The following ARFGEF2 variants were observed in gnomAD, a reference collection of about 807,000 sequenced individuals.
ARFGEF2 encodes the protein brefeldin A-inhibited guanine nucleotide-exchange protein 2.
A neutral mutation model predicts 219.9 loss-of-function variants in ARFGEF2; 74 were observed. The ratio of observed to expected loss-of-function variants is 0.34; its 90% CI spans 0.28 to 0.41. ARFGEF2 has a LOEUF of 0.41. Among genes scored for constraint, ARFGEF2 ranks in the 10% least tolerant of loss-of-function variants. The pLI, the probability that ARFGEF2 is intolerant of heterozygous loss-of-function variation, is 1.00. For synonymous variants in ARFGEF2, 733 were observed against 799.2 expected (o/e 0.92, Z 1.40); for missense variants, 1,743 against 2,218.3 (o/e 0.79, Z 4.30).
chr20:49,002,270 T>C (rs1249957818), intron 25 of ARFGEF2, among the ~76,000 whole-genome samples: 1 of 152,134 alleles, frequency 6.6e-6, no homozygotes, highest in East Asian at 1.9e-4. Context: ...ATTAAAAAAA[T>C]AGAATAACCA....
At chr20:49,005,362 C>A in intron 26 of ARFGEF2, 141 bp downstream of exon 26, 2 of 1,060,374 alleles carry the variant, frequency 1.9e-6, no homozygotes, top group African/African-American at 1.6e-5. Flanking sequence ...TGATTCACAT[C>A]GATTTTCCTT....
At chr20:48,963,581 A>G (rs2091168277) in intron 6 of ARFGEF2, among the ~76,000 whole-genome samples, 1 of 152,200 alleles carries the variant, frequency 6.6e-6, no homozygotes, top group South Asian at 2.1e-4. Context: ...AGGAAGGAAG[A>G]GAGTAGTATA....
At chr20:48,985,738 G>T (rs1354430513) in intron 16 of ARFGEF2, 125 bp downstream of exon 16, 2 of 1,041,226 alleles carry the variant, frequency 1.9e-6, no homozygotes, top group Non-Finnish European at 2.9e-6. Context: ...TGTTTACCGT[G>T]TGCCAGGCAC....
At position 48,985,488 on chromosome 20, in the gene ARFGEF2, C is replaced by A; in HGVS notation, c.2151C>A (p.Phe717Leu). ...VMYAYVDQLD[F>L]CEKEFVSALR... ...ATGCCTACGTGGACCAACTTGACTT[C>A]TGTGAAAAAGAATTTGTCTCAGCCC... Residue 717 changes from phenylalanine to leucine, a missense_variant, in exon 16 of 39, where the codon TTC (phenylalanine) becomes TTA (leucine). By Grantham distance (22) the Phe-to-Leu change is conservative. This residue lies in a region of ARFGEF2 where 666 missense variants were observed against 955.4 expected (regional missense o/e 0.70). Transcript: ENST00000371917. The A allele has an allele frequency of 1.9e-6, 3 of 1,614,234 alleles. No individual in the cohort carries two copies. In the Middle Eastern group the frequency reaches 4.9e-4, roughly 266 times the overall value.
Position 49,011,988 on chromosome 20 carries a change from A to T in ARFGEF2, c.3822A>T (p.Leu1274Phe), listed in dbSNP as rs754864724. 1 of 1,614,246 alleles carries T rather than the reference A, an allele frequency of 6.2e-7. No homozygotes were observed. The highest frequency in any genetic ancestry group is 1.3e-5 in the African/African-American group (1 of 75,070). Residue 1274 changes from leucine to phenylalanine, a missense_variant, in exon 28 of 39, where the codon TTA (leucine) becomes TTT (phenylalanine). Coordinates refer to ENST00000371917, the MANE Select transcript of ARFGEF2 (RefSeq NM_006420.3). ...CCTTTCAGGATGCTGTGAAGTGCTT[A>T]TCAGAGTTCGCCTGCAACGCCGCTT... Reference protein sequence around the residue: ...IDSFQDAVKCLSEFACNAAFP... With the variant: ...IDSFQDAVKCFSEFACNAAFP...
At chr20:49,001,996 A>G (rs1365198833) in intron 25 of ARFGEF2, among the ~76,000 whole-genome samples, 3 of 152,260 alleles carry the variant, frequency 2.0e-5, no homozygotes, top group African/African-American at 7.2e-5. Flanking sequence ...CCTGAATCCC[A>G]GCAGTTTGGG....
At position 49,035,443 on chromosome 20, in the gene ARFGEF2, A is replaced by C. The variant is rs2091661191; in HGVS notation, c.*2244A>C. The C allele has an allele frequency of 6.6e-6, 1 of 152,242 alleles. No individual in the cohort carries two copies. The allele number at this position is 152,242 out of a possible 1,614,324, so 9.4% of individuals were successfully genotyped here. On this transcript the variant is annotated 3_prime_UTR_variant, in exon 39 of 39. Coordinates refer to ENST00000371917, the MANE Select transcript of ARFGEF2 (RefSeq NM_006420.3). ...CTTTTAAAAAATTGGATGTAAAACC[A>C]TTCAGGGTGATTTTTCTTGTCAGTG...
At chr20:48,975,568 G>A (rs1254913109) in intron 13 of ARFGEF2, among the ~76,000 whole-genome samples, 2 of 152,074 alleles carry the variant, frequency 1.3e-5, no homozygotes, top group Non-Finnish European at 2.9e-5. Flanking sequence ...TTGGGAGGTC[G>A]AGGGTGGTGG....
rs149673944 is a variant in ARFGEF2, at chr20:48,927,988, G to A, written c.121+5978G>A. On this transcript the variant is annotated intron_variant, in intron 1 of 38. Coordinates refer to ENST00000371917, the MANE Select transcript of ARFGEF2 (RefSeq NM_006420.3). ...TTATATGTAGGATTGGCAGAGAGTT[G>A]ATTGAGACTTTGAAAGTTTGATTTG... Among the ~76,000 whole-genome samples the A allele has an allele frequency of 4.7e-3, 711 of 152,240 alleles. 4 individuals carry two copies. The highest frequency in any genetic ancestry group is 0.016 in the African/African-American group (666 of 41,550).
At chr20:48,992,386 G>C (rs1041184094) in intron 21 of ARFGEF2, among the ~76,000 whole-genome samples, 19 of 152,096 alleles carry the variant, frequency 1.2e-4, no homozygotes, top group African/African-American at 4.3e-4. Context: ...TAGAGATGAG[G>C]CTGTGGAGAA....
chr20:48,984,856 G>A lies in ARFGEF2; in HGVS notation c.2070+16G>A. The A allele has an allele frequency of 1.2e-6, 2 of 1,612,266 alleles. No individual in the cohort carries two copies. The highest frequency in any genetic ancestry group is 1.7e-6 in the Non-Finnish European group (2 of 1,180,004). The stretch of plus-strand genomic sequence containing the variant: ...CCTGGATTCCGTAAGGCTTGGGGGT[G>A]TAGCACTTGCATGTGAGTTCTGTCA... On this transcript the variant is annotated intron_variant, in intron 15 of 38. Transcript: ENST00000371917.
At chr20:48,967,557 A>C (rs1434079079) in intron 8 of ARFGEF2, among the ~76,000 whole-genome samples, 1 of 152,214 alleles carries the variant, frequency 6.6e-6, no homozygotes, top group East Asian at 1.9e-4. Flanking sequence ...TTGAGCCCAG[A>C]AGTCTAGCCA....
intron 8 of ARFGEF2, among the ~76,000 whole-genome samples, chr20:48,968,472 G>A (rs1212802723): frequency 6.6e-6 from 1 of 150,638 alleles, no homozygotes; most frequent in Non-Finnish European, 1.5e-5. Flanking sequence ...CCGCGATCTC[G>A]GCTCACTGCA....
Position 49,032,908 on chromosome 20 carries a change from C to G in ARFGEF2, c.5182-115C>G, listed in dbSNP as rs1600566212. On this transcript the variant is annotated intron_variant, in intron 38 of 38. Transcript: ENST00000371917. ...GCGCTCGGCCCCAACTTTCTAATAG[C>G]AAGAAAAGCACCAATATTGTAATAA... 4 of 1,073,766 alleles carry G rather than the reference C, an allele frequency of 3.7e-6. No homozygotes were observed. In the East Asian group the frequency reaches 1.0e-4, roughly 27 times the overall value. 66.5% of individuals were successfully genotyped at this position (1,073,766 alleles called of 1,614,324 possible). A position where few individuals can be genotyped will look rare whatever the true frequency, so the allele number is the denominator to read the frequency against.
intron 25 of ARFGEF2, among the ~76,000 whole-genome samples, chr20:49,002,985 T>A (rs895062533): frequency 6.3e-5 from 7 of 110,356 alleles, no homozygotes; most frequent in South Asian, 3.0e-4. Context: ...TTTTTTTTTT[T>A]AGAGACGGAT....
At chr20:48,924,046 A>C (rs2090860536) in intron 1 of ARFGEF2, among the ~76,000 whole-genome samples, 1 of 152,196 alleles carries the variant, frequency 6.6e-6, no homozygotes, top group South Asian at 2.1e-4. Flanking sequence ...TCATAAGGGA[A>C]CGTATGCATA....
chr20:48,998,230 A>G lies in ARFGEF2; in HGVS notation c.3259A>G (p.Ile1087Val), dbSNP rs951654073. The G allele has an allele frequency of 5.0e-6, 8 of 1,614,030 alleles. No individual in the cohort carries two copies. The highest frequency in any genetic ancestry group is 1.7e-5 in the Admixed American group (1 of 59,992). ...TGSTRLDGNA[I>V]VDFVRWLCAV... ...GTCTACCAGACTGGATGGAAATGCA[A>G]TAGGTATGTATTTGACTTACCTGTG... Residue 1087 changes from isoleucine (I) to valine (V), a missense_variant, in exon 24 of 39, where the codon ATA (isoleucine) becomes GTA (valine). Around this residue, in one of 5 missense-constraint regions of ARFGEF2, gnomAD observed 666 missense variants for 955.4 expected, o/e 0.70. Coordinates refer to ENST00000371917, the MANE Select transcript of ARFGEF2 (RefSeq NM_006420.3).
intron 26 of ARFGEF2, among the ~76,000 whole-genome samples, chr20:49,009,287 T>A (rs985251542): frequency 6.6e-6 from 1 of 152,196 alleles, no homozygotes; most frequent in African/African-American, 2.4e-5. Flanking sequence ...CTTCTCTAAA[T>A]GGCCTTTCCT....
At chr20:48,998,549 A>AG (rs1017672234) in intron 25 of ARFGEF2, 44 bp downstream of exon 25, 2 of 1,588,260 alleles carry the variant, frequency 1.3e-6, no homozygotes, top group African/African-American at 2.7e-5. Context: ...AAAAAAAAAA[A>AG]AAGTAGACAA....
Sources: gnomAD v4.1 joint callset for allele counts (sites outside exome capture counted in the v4.1 genomes callset) on GRCh38, gnomAD v4.1.1 for gene constraint, gnomAD v4.1.1 regional missense constraint, MANE v1.5 for transcripts, NCBI Gene and HGNC (gene_info 2026-07-23, HGNC 2026-07-21) for gene names.